F8: variants seen among roughly 807,000 people sequenced by gnomAD.
F8 encodes the protein coagulation factor VIII.
F8 carries 12 observed loss-of-function variants against 140.6 expected under a neutral mutation model. The observed-to-expected ratio is 0.09, with a 90% confidence interval of 0.05 to 0.14. The LOEUF (loss-of-function observed/expected upper bound fraction) is 0.14. Among genes scored for constraint, F8 ranks in the 10% least tolerant of loss-of-function variants. The pLI is 1.00. For synonymous variants in F8, 585 were observed against 614.6 expected, an observed-to-expected ratio of 0.95 and a Z score of 0.71; for missense variants, 1,354 against 1,720.7, an observed-to-expected ratio of 0.79 and a Z score of 3.77.
rs1026952463 is a variant in F8, at chrX:154,939,976, A to G, written c.2113+7722T>C. On this transcript the variant is annotated intron_variant, in intron 13 of 25. Coordinates refer to ENST00000360256, the MANE Select transcript of F8 (RefSeq NM_000132.4). The stretch of plus-strand genomic sequence containing the variant: ...GGTCCTGACTGTTAGAAGGAAAACT[A>G]ACAAACAGAAAGGACATCCACACCG... Among the ~76,000 whole-genome samples the G allele has an allele frequency of 6.2e-5, 7 of 112,325 alleles. No individual in the cohort carries two copies. The South Asian group carries it at 1.1e-3, about 18-fold the overall frequency.
At chrX:154,925,433 C>T (rs2073155399) in intron 14 of F8, among the ~76,000 whole-genome samples, 1 of 111,841 alleles carries the variant, frequency 8.9e-6, no homozygotes, top group East Asian at 2.8e-4. Context: ...AATGGTAGAT[C>T]CATCAGAAAC....
At chrX:154,960,312 C>T (rs1350601502) in intron 10 of F8, among the ~76,000 whole-genome samples, 1 of 111,135 alleles carries the variant, frequency 9.0e-6, no homozygotes, top group Non-Finnish European at 1.9e-5. Context: ...GAGATAACCA[C>T]CAAAAATCAA....
At chrX:154,871,071 T>C (rs1215163133) in intron 22 of F8, among the ~76,000 whole-genome samples, 1 of 112,254 alleles carries the variant, frequency 8.9e-6, no homozygotes, top group African/African-American at 3.2e-5. Context: ...TGGAAAAACA[T>C]TCCATGCTCA....
chrX:154,944,852 A>C (rs1420127127), intron 13 of F8, among the ~76,000 whole-genome samples: 1 of 111,723 alleles, frequency 9.0e-6, no homozygotes. Context: ...AAAAATGATG[A>C]GTTCATGTCC....
At position 154,987,293 on chromosome X, in the gene F8, T is replaced by C; in HGVS notation, c.614A>G (p.Lys205Arg). Residue 205 changes from lysine (K) to arginine (R), a missense_variant, in exon 5 of 26, where the codon AAG becomes AGG. Around this residue, in one of 4 missense-constraint regions of F8, gnomAD observed 128 missense variants for 230.4 expected, o/e 0.56. Coordinates refer to ENST00000360256, the MANE Select transcript of F8 (RefSeq NM_000132.4). ...TTTGTGCAAGGTCTGTGTCTTTTCC[T>C]TGGCCAGACTCCCTGAAAAAGAAGT... Reference protein sequence around the residue: ...LLVCREGSLAKEKTQTLHKFI... With the variant: ...LLVCREGSLAREKTQTLHKFI... 15 of 1,208,959 alleles carry C rather than the reference T, an allele frequency of 1.2e-5. No homozygotes were observed. The highest frequency in any genetic ancestry group is 1.7e-5 in the Non-Finnish European group (15 of 892,890).
chrX:154,875,603 A>T (rs1557273929), intron 22 of F8, among the ~76,000 whole-genome samples: 1 of 111,956 alleles, frequency 8.9e-6, no homozygotes, highest in South Asian at 3.7e-4. Flanking sequence ...TCTAAATTTT[A>T]ATAAGACCCT....
Position 154,931,598 on chromosome X carries a change from T to A in F8, c.2192A>T (p.Asp731Val), listed in dbSNP as rs782439313. ...MTALLKVSSC[D>V]KNTGDYYEDS... ...CTCGTAATAATCACCAGTGTTCTTG[T>A]CACAACTAGAAACCTTCAGTAAGGC... is the stretch of plus-strand genomic sequence containing the variant. Residue 731 changes from aspartate to valine, a missense_variant, in exon 14 of 26, where the codon GAC becomes GTC. Physicochemically the swap from Asp to Val is radical, Grantham distance 152. This residue lies in a region of F8 where 252 missense variants were observed against 338.5 expected (regional missense o/e 0.74). Transcript: ENST00000360256. 1 of 1,210,100 alleles carries A rather than the reference T, an allele frequency of 8.3e-7. No homozygotes were observed. Among genetic ancestry groups the A allele is most frequent in the Non-Finnish European group, 1.1e-6 (1 of 895,131 alleles).
chrX:154,999,624 G>A (rs782230805), intron 1 of F8, 24 bp from the exon 2 acceptor site: 16 of 1,190,442 alleles, frequency 1.3e-5, no homozygotes, highest in Middle Eastern at 4.7e-4. Context: ...GGAAAAAGTC[G>A]TTCATTTTGG....
At chrX:154,851,252 C>A (rs1557272133) in intron 25 of F8, among the ~76,000 whole-genome samples, 2 of 112,444 alleles carry the variant, frequency 1.8e-5, no homozygotes, top group Admixed American at 9.4e-5. Flanking sequence ...AATAATAGTC[C>A]ATATATGGAT....
intron 20 of F8, among the ~76,000 whole-genome samples, chrX:154,900,578 A>G (rs1163158708): frequency 8.9e-6 from 1 of 112,043 alleles, no homozygotes; most frequent in Non-Finnish European, 1.9e-5. Context: ...CAGAAAATGA[A>G]AAGTAAAAAT....
intron 13 of F8, among the ~76,000 whole-genome samples, chrX:154,938,746 GA>G (rs1267275325): frequency 7.2e-5 from 8 of 110,393 alleles, no homozygotes; most frequent in African/African-American, 2.3e-4. Context: ...GACCCATTCT[GA>G]CCAAAAACTG....
chrX:154,868,525 T>G (rs1375141145), intron 22 of F8, among the ~76,000 whole-genome samples: 5 of 111,413 alleles, frequency 4.5e-5, no homozygotes, highest in Non-Finnish European at 9.4e-5. Context: ...CAGACCTGCC[T>G]TACAAGAGCT....
Position 154,837,267 on chromosome X carries a change from C to A in F8, c.*330G>T. On this transcript the variant is annotated 3_prime_UTR_variant, in exon 26 of 26. Coordinates refer to ENST00000360256, the MANE Select transcript of F8 (RefSeq NM_000132.4). The stretch of plus-strand genomic sequence containing the variant: ...GTTTCATCACATAGTTTTTCTACAA[C>A]AGAGGAAGTGGTGACTCTGAGAGGC... 1 of 283,547 alleles carries A rather than the reference C, an allele frequency of 3.5e-6. No homozygotes were observed. Among genetic ancestry groups the A allele is most frequent in the Non-Finnish European group, 6.3e-6 (1 of 158,659 alleles). The allele number at this position is 283,547 out of a possible 1,213,427, so 23.4% of individuals were successfully genotyped here. A position where few individuals can be genotyped will look rare whatever the true frequency, so the allele number is the denominator to read the frequency against.
chrX:154,947,724 G>A lies in F8; in HGVS notation c.2087C>T (p.Thr696Ile), dbSNP rs1433146066. ...TGGGTTTTCCATCGACATGAAGACA[G>A]TTTCTCCTGAGAATGGGAATAGGGT... ...TLTLFPFSGE[T>I]VFMSMENPGL... The change falls in exon 13 of 26, where the codon ACT (threonine) becomes ATT (isoleucine). Residue 696 changes from threonine (T) to isoleucine (I), a missense_variant. By Grantham distance (89) the Thr-to-Ile change is moderately conservative. Around this residue, in one of 4 missense-constraint regions of F8, gnomAD observed 252 missense variants for 338.5 expected, o/e 0.74. Coordinates refer to ENST00000360256, the MANE Select transcript of F8 (RefSeq NM_000132.4). 8.3e-7 allele frequency: 1 copy of A among 1,209,019 alleles called. No homozygotes were observed. The highest frequency in any genetic ancestry group is 2.2e-5 in the Admixed American group (1 of 45,754).
Position 154,984,672 on chromosome X carries a change from C to T in F8, c.787+15G>A, listed in dbSNP as rs782241532. 19 of 1,137,335 alleles carry T rather than the reference C, an allele frequency of 1.7e-5. No homozygotes were observed. Among genetic ancestry groups the T allele is most frequent in the African/African-American group, 7.2e-5 (4 of 55,719 alleles). The allele number at this position is 1,137,335 out of a possible 1,213,427, so 93.7% of individuals were successfully genotyped here. ...TTGGAAGACCCTGAGGATTGTTGAGCAGGTGTGTACATACCTGGCAGAGAC... is the reference window on the plus strand; with the variant it reads ...TTGGAAGACCCTGAGGATTGTTGAGTAGGTGTGTACATACCTGGCAGAGAC... On this transcript the variant is annotated intron_variant, in intron 6 of 25. Coordinates refer to ENST00000360256, the MANE Select transcript of F8 (RefSeq NM_000132.4).
At chrX:154,992,339 A>C (rs2073592598) in intron 4 of F8, among the ~76,000 whole-genome samples, 1 of 112,543 alleles carries the variant, frequency 8.9e-6, no homozygotes, top group Non-Finnish European at 1.9e-5. Context: ...TCACCATAAA[A>C]AATAGGATAA....
intron 25 of F8, among the ~76,000 whole-genome samples, chrX:154,852,501 A>T (rs1001977231): frequency 2.3e-4 from 26 of 111,849 alleles, no homozygotes; most frequent in African/African-American, 8.4e-4. Flanking sequence ...TTTTATTGAA[A>T]ATCAATTGAC....
chrX:155,000,968 G>A (rs147030151), intron 1 of F8, among the ~76,000 whole-genome samples: 4 of 111,672 alleles, frequency 3.6e-5, no homozygotes, highest in Admixed American at 1.9e-4. Context: ...GCTTCTGATT[G>A]TAAGTATTCA....
Position 154,903,884 on chromosome X carries a change from AAG to A in F8, c.5998+20_5998+21del. 1 of 1,196,325 alleles carries A rather than the reference AAG, an allele frequency of 8.4e-7. No homozygotes were observed. The highest frequency in any genetic ancestry group is 1.1e-6 in the Non-Finnish European group (1 of 881,466). On this transcript the variant is annotated intron_variant, in intron 18 of 25. Transcript: ENST00000360256. ...CTCAACAAATAGAGTAGGTAGAAGA[AAG>A]AGCACAAACAAGCTCATACCTGGAT...
Sources: allele counts gnomAD v4.1 joint callset (sites outside exome capture counted in the v4.1 genomes callset), GRCh38; gene constraint gnomAD v4.1.1; regional missense constraint gnomAD v4.1.1; transcripts MANE v1.5; gene names NCBI Gene and HGNC (gene_info 2026-07-23, HGNC 2026-07-21).